The following SETBP1 variants were observed in gnomAD, a reference collection of about 807,000 sequenced individuals.
The protein encoded by SETBP1 is SET-binding protein.
In SETBP1, 9 loss-of-function variants were observed where a neutral mutation model predicts 101.0. The observed-to-expected ratio is 0.09, with a 90% confidence interval of 0.05 to 0.16. SETBP1 has a LOEUF of 0.16. Ranked by LOEUF, SETBP1 falls within the 10% of genes least tolerant of loss-of-function variation. The pLI is 1.00. For synonymous variants in SETBP1, 818 were observed against 788.5 expected (o/e 1.04, Z -0.63); for missense variants, 1,858 against 2,033.8 (o/e 0.91, Z 1.66).
intron 2 of SETBP1, among the ~76,000 whole-genome samples, chr18:44,796,593 C>CA (rs2071480862): frequency 6.6e-6 from 1 of 152,204 alleles, no homozygotes; most frequent in Non-Finnish European, 1.5e-5. Context: ...ACAAGTCTCT[C>CA]ACATTACAGA....
chr18:44,706,653 G>A (rs1456760420), intron 2 of SETBP1, among the ~76,000 whole-genome samples: 1 of 135,252 alleles, frequency 7.4e-6, no homozygotes, highest in Non-Finnish European at 1.5e-5. Flanking sequence ...GTTTTGAAGA[G>A]TTTCCAAGCT....
At chr18:44,847,445 C>A (rs2072746934) in intron 2 of SETBP1, among the ~76,000 whole-genome samples, 1 of 152,180 alleles carries the variant, frequency 6.6e-6, no homozygotes, top group African/African-American at 2.4e-5. Flanking sequence ...AAGAAAGAAC[C>A]CTCAGAAGAA....
intron 4 of SETBP1, among the ~76,000 whole-genome samples, chr18:45,020,248 G>T (rs2073029737): frequency 1.9e-5 from 2 of 105,810 alleles, no homozygotes; most frequent in Non-Finnish European, 1.8e-5. Flanking sequence ...GACAGAGCAA[G>T]ACTCTGTCTT....
intron 3 of SETBP1, among the ~76,000 whole-genome samples, chr18:44,944,191 C>T (rs913973760): frequency 2.0e-5 from 3 of 152,140 alleles, no homozygotes; most frequent in African/African-American, 7.2e-5. Flanking sequence ...CTCACCTTCA[C>T]TTGGAATACC....
At chr18:44,827,646 T>G (rs1281724277) in intron 2 of SETBP1, among the ~76,000 whole-genome samples, 2 of 152,240 alleles carry the variant, frequency 1.3e-5, no homozygotes, top group Non-Finnish European at 2.9e-5. Context: ...ACTGGCATTT[T>G]CAGCTAGAGT....
At chr18:44,746,919 A>G (rs958669284) in intron 2 of SETBP1, among the ~76,000 whole-genome samples, 12 of 152,200 alleles carry the variant, frequency 7.9e-5, no homozygotes, top group Admixed American at 1.3e-4. Flanking sequence ...GGTAAAGGTG[A>G]GGAACAGGTA....
At chr18:44,857,467 G>GAT (rs2073001416) in intron 2 of SETBP1, among the ~76,000 whole-genome samples, 1 of 152,158 alleles carries the variant, frequency 6.6e-6, no homozygotes. Context: ...GGTCTGCAGG[G>GAT]ATATGACTTG....
chr18:44,840,000 C>T (rs2072584238), intron 2 of SETBP1, among the ~76,000 whole-genome samples: 1 of 152,162 alleles, frequency 6.6e-6, no homozygotes, highest in Non-Finnish European at 1.5e-5. Flanking sequence ...CTTCTTGATC[C>T]ACATTGCTTT....
Position 44,758,326 on chromosome 18 carries a change from T to G in SETBP1, c.486+56494T>G, listed in dbSNP as rs60386854. On this transcript the variant is annotated intron_variant, in intron 2 of 5. Coordinates refer to ENST00000649279, the MANE Select transcript of SETBP1 (RefSeq NM_015559.3). ...CTTTCCTTGGAGCAAATAAAACAGCTGAGAATAGATCTCAGGACCTTAAAT... is the reference window on the plus strand; with the variant it reads ...CTTTCCTTGGAGCAAATAAAACAGCGGAGAATAGATCTCAGGACCTTAAAT... Among the ~76,000 whole-genome samples, 822 of 152,286 alleles carry G rather than the reference T, an allele frequency of 5.4e-3. 6 individuals carry two copies. Among genetic ancestry groups the G allele is most frequent in the African/African-American group, 0.019 (783 of 41,550 alleles).
Position 44,846,339 on chromosome 18 carries a change from C to CA in SETBP1, c.487-22888dup, listed in dbSNP as rs1414552123. On this transcript the variant is annotated intron_variant, in intron 2 of 5. Coordinates refer to ENST00000649279, the MANE Select transcript of SETBP1 (RefSeq NM_015559.3). ...CAATTCAGTGGTTTTTGGTGTATTACAAAGTTGTGCAACCATCTCCACTAT... is the reference window on the plus strand; with the variant it reads ...CAATTCAGTGGTTTTTGGTGTATTACAAAAGTTGTGCAACCATCTCCACTAT... Among the ~76,000 whole-genome samples the CA allele has an allele frequency of 2.6e-5, 4 of 152,288 alleles. 1 individual carries two copies. The highest frequency in any genetic ancestry group is 4.1e-4 in the South Asian group (2 of 4,824).
intron 4 of SETBP1, among the ~76,000 whole-genome samples, chr18:44,994,228 C>A (rs1034685054): frequency 5.3e-5 from 8 of 151,402 alleles, no homozygotes; most frequent in Admixed American, 1.3e-4. Flanking sequence ...AGAACACACA[C>A]AAAAAAAAGT....
At chr18:44,708,787 A>T (rs1371982775) in intron 2 of SETBP1, among the ~76,000 whole-genome samples, 4 of 152,194 alleles carry the variant, frequency 2.6e-5, no homozygotes, top group Non-Finnish European at 5.9e-5. Context: ...AGAAAAACAA[A>T]GCAGCATTTT....
At chr18:44,891,276 G>A (rs1469198168) in intron 3 of SETBP1, among the ~76,000 whole-genome samples, 5 of 152,096 alleles carry the variant, frequency 3.3e-5, no homozygotes, top group Admixed American at 6.6e-5. Context: ...TGAGATTTGG[G>A]TGGGGACACA....
In SETBP1 at chr18:44,953,243, G is replaced by T. The variant is rs1341901825; in HGVS notation, c.3903G>T (p.Arg1301Ser). 25 of 1,614,024 alleles carry T rather than the reference G, an allele frequency of 1.5e-5. No homozygotes were observed. The highest frequency in any genetic ancestry group is 2.1e-5 in the Non-Finnish European group (25 of 1,180,046). Reference protein sequence around the residue: ...WDSDVSGSKRRSYEGFGTYRE... With the variant: ...WDSDVSGSKRSSYEGFGTYRE... ...GTGACGTGAGTGGGAGTAAAAGGAG[G>T]AGCTATGAAGGCTTTGGAACGTACA... Residue 1301 changes from arginine (R) to serine (S), a missense_variant, in exon 4 of 6, where the codon AGG (arginine) becomes AGT (serine). Arg to Ser is a moderately radical substitution (Grantham distance 110). Around this residue, in one of 12 missense-constraint regions of SETBP1, gnomAD observed 417 missense variants for 389.1 expected, o/e 1.07. Coordinates refer to ENST00000649279, the MANE Select transcript of SETBP1 (RefSeq NM_015559.3).
At chr18:44,789,317 T>C (rs1456906902) in intron 2 of SETBP1, among the ~76,000 whole-genome samples, 1 of 152,206 alleles carries the variant, frequency 6.6e-6, no homozygotes, top group East Asian at 1.9e-4. Context: ...AAAGACAAAA[T>C]GGTTGTTGGT....
At chr18:45,034,834 C>T (rs779649725) in intron 4 of SETBP1, among the ~76,000 whole-genome samples, 6 of 152,068 alleles carry the variant, frequency 3.9e-5, no homozygotes, top group Non-Finnish European at 8.8e-5. Context: ...AGAGCACACC[C>T]GTGGCATTAC....
At chr18:44,761,118 T>C (rs1163318843) in intron 2 of SETBP1, among the ~76,000 whole-genome samples, 2 of 152,202 alleles carry the variant, frequency 1.3e-5, no homozygotes, top group East Asian at 3.8e-4. Context: ...TAAAGCATGT[T>C]TTATTTATTT....
At chr18:44,681,561 C>T (rs1159901039) in intron 1 of SETBP1, among the ~76,000 whole-genome samples, 1 of 139,112 alleles carries the variant, frequency 7.2e-6, no homozygotes, top group Non-Finnish European at 1.6e-5. Flanking sequence ...ATTCCCCCCG[C>T]CCCCCCATCC....
At chr18:44,696,055 G>A (rs2069012619) in intron 1 of SETBP1, among the ~76,000 whole-genome samples, 1 of 152,116 alleles carries the variant, frequency 6.6e-6, no homozygotes, top group Admixed American at 6.6e-5. Flanking sequence ...CATGGCACCT[G>A]GGCAAAGCAG....
Sources: allele counts gnomAD v4.1 joint callset (sites outside exome capture counted in the v4.1 genomes callset), GRCh38; gene constraint gnomAD v4.1.1; regional missense constraint gnomAD v4.1.1; transcripts MANE v1.5; gene names NCBI Gene and HGNC (gene_info 2026-07-23, HGNC 2026-07-21).